CSMD1: variants seen among roughly 807,000 people sequenced by gnomAD.
CSMD1 encodes CUB and sushi domain-containing protein 1.
Under a neutral mutation model 417.5 loss-of-function variants are expected in CSMD1, and 213 were observed. The observed-to-expected ratio is 0.51, with a 90% CI of 0.46 to 0.57. The LOEUF (loss-of-function observed/expected upper bound fraction) is 0.57. CSMD1 is among the 20% of genes least tolerant of loss of function. The pLI, the probability that CSMD1 is intolerant of heterozygous loss-of-function variation, is 0.00. For missense variants in CSMD1, 6,923 were observed against 4,529.7 expected, an observed-to-expected ratio of 1.53 and a Z score of -15.17; for synonymous variants, 2,862 against 1,736.8, an observed-to-expected ratio of 1.65 and a Z score of -16.11.
At chr8:4,685,508 G>T (rs184231048) in intron 1 of CSMD1, among the ~76,000 whole-genome samples, 1 of 151,954 alleles carries the variant, frequency 6.6e-6, no homozygotes, top group Non-Finnish European at 1.5e-5. Flanking sequence ...CTCAGGAGGC[G>T]GAGGTTGCAG....
intron 2 of CSMD1, among the ~76,000 whole-genome samples, chr8:4,469,143 A>C (rs940722001): frequency 1.3e-5 from 2 of 152,156 alleles, no homozygotes; most frequent in Admixed American, 6.5e-5. Flanking sequence ...AGGAAAATGG[A>C]AGAAGGCACT....
intron 2 of CSMD1, among the ~76,000 whole-genome samples, chr8:4,629,511 T>G (rs1195560516): frequency 1.3e-5 from 2 of 152,178 alleles, no homozygotes; most frequent in Non-Finnish European, 2.9e-5. Context: ...TCTTACAAAT[T>G]AAGAGAAACA....
chr8:3,361,215 A>G (rs2117720969), intron 20 of CSMD1, among the ~76,000 whole-genome samples: 1 of 152,352 alleles, frequency 6.6e-6, no homozygotes, highest in South Asian at 2.1e-4. Context: ...ACATATTAAA[A>G]TAAAGATGTC....
At chr8:3,520,335 C>T (rs1473496007) in intron 10 of CSMD1, among the ~76,000 whole-genome samples, 1 of 152,082 alleles carries the variant, frequency 6.6e-6, no homozygotes, top group Non-Finnish European at 1.5e-5. Context: ...GTGACATAAA[C>T]TGCAGAAGAA....
At chr8:4,680,793 T>A (rs185302094) in intron 1 of CSMD1, among the ~76,000 whole-genome samples, 3 of 152,194 alleles carry the variant, frequency 2.0e-5, no homozygotes, top group Non-Finnish European at 4.4e-5. Context: ...TTGGCCAGGA[T>A]GGTCTTGATC....
chr8:4,763,631 T>C (rs1812263573), intron 1 of CSMD1, among the ~76,000 whole-genome samples: 1 of 152,206 alleles, frequency 6.6e-6, no homozygotes, highest in Admixed American at 6.5e-5. Context: ...TTACCAATTA[T>C]ACTTAATGGA....
At chr8:4,534,630 T>C (rs1797006711) in intron 2 of CSMD1, among the ~76,000 whole-genome samples, 1 of 152,064 alleles carries the variant, frequency 6.6e-6, no homozygotes, top group South Asian at 2.1e-4. Flanking sequence ...AATTTTCCCA[T>C]TTTTATGGCC....
At chr8:4,170,200 C>G (rs1364141293) in intron 3 of CSMD1, among the ~76,000 whole-genome samples, 3 of 151,836 alleles carry the variant, frequency 2.0e-5, no homozygotes, top group South Asian at 4.1e-4. Context: ...ACGCGTTTCT[C>G]TCTGCAGAAC....
chr8:3,967,197 T>C (rs1363079869), intron 5 of CSMD1, among the ~76,000 whole-genome samples: 1 of 152,236 alleles, frequency 6.6e-6, no homozygotes, highest in Non-Finnish European at 1.5e-5. Flanking sequence ...CTTGATTCTC[T>C]CTACTGCTTT....
chr8:4,801,168 C>T (rs188223032), intron 1 of CSMD1, among the ~76,000 whole-genome samples: 1 of 152,346 alleles, frequency 6.6e-6, no homozygotes, highest in East Asian at 1.9e-4. Flanking sequence ...TGTCTTACTT[C>T]AGACTGTCTG....
intron 8 of CSMD1, among the ~76,000 whole-genome samples, chr8:3,600,667 A>T (rs1431346317): frequency 6.6e-6 from 1 of 152,104 alleles, no homozygotes; most frequent in African/African-American, 2.4e-5. Context: ...ACAGAAAACC[A>T]TTGCTCTGGT....
chr8:3,343,252 A>G (rs770164533), intron 23 of CSMD1, 42 bp downstream of exon 23: 6 of 1,568,426 alleles, frequency 3.8e-6, no homozygotes, highest in Non-Finnish European at 5.3e-6. Context: ...ATATGTCCTG[A>G]CAAAATGAAA....
At chr8:4,557,574 G>T (rs1798150780) in intron 2 of CSMD1, among the ~76,000 whole-genome samples, 1 of 150,608 alleles carries the variant, frequency 6.6e-6, no homozygotes, top group Non-Finnish European at 1.5e-5. Context: ...ACAGTATTAA[G>T]ATACTTAAAA....
intron 3 of CSMD1, among the ~76,000 whole-genome samples, chr8:4,158,717 C>A (rs759505738): frequency 2.0e-5 from 3 of 152,064 alleles, no homozygotes; most frequent in Non-Finnish European, 2.9e-5. Flanking sequence ...CCATTCAGTC[C>A]TTATCACAAC....
At chr8:4,227,549 C>T (rs1221570140) in intron 3 of CSMD1, among the ~76,000 whole-genome samples, 2 of 152,020 alleles carry the variant, frequency 1.3e-5, no homozygotes, top group Non-Finnish European at 2.9e-5. Context: ...AGCAGGGGTG[C>T]CAGGAAGCAT....
intron 26 of CSMD1, among the ~76,000 whole-genome samples, chr8:3,249,336 C>T (rs1027829683): frequency 2.0e-5 from 3 of 152,138 alleles, no homozygotes; most frequent in Non-Finnish European, 4.4e-5. Flanking sequence ...ATTCTCAATG[C>T]CTCAGCCACC....
At chr8:4,296,410 G>C (rs1033502124) in intron 3 of CSMD1, among the ~76,000 whole-genome samples, 4 of 152,044 alleles carry the variant, frequency 2.6e-5, no homozygotes, top group Non-Finnish European at 4.4e-5. Context: ...TAAAATAAAG[G>C]GTTATCACAA....
At chr8:4,355,165 G>C (rs1347862487) in intron 3 of CSMD1, among the ~76,000 whole-genome samples, 1 of 151,974 alleles carries the variant, frequency 6.6e-6, no homozygotes, top group East Asian at 1.9e-4. Context: ...AGGAGGCTGA[G>C]GCAGGAGAAT....
chr8:4,497,399 G>T (rs2130257066), intron 2 of CSMD1, among the ~76,000 whole-genome samples: 2 of 152,288 alleles, frequency 1.3e-5, no homozygotes, highest in East Asian at 1.9e-4. Flanking sequence ...TGCTGTCAAT[G>T]ATTGTATTTT....
Sources: allele counts gnomAD v4.1 joint callset (sites outside exome capture counted in the v4.1 genomes callset), GRCh38; gene constraint gnomAD v4.1.1; transcripts MANE v1.5; gene names NCBI Gene and HGNC (gene_info 2026-07-23, HGNC 2026-07-21).